Variants in CASK observed in about 807,000 individuals in gnomAD.
CASK encodes the protein peripheral plasma membrane protein CASK.
A neutral mutation model predicts 82.9 loss-of-function variants in CASK; 4 were observed. The ratio of observed to expected loss-of-function variants is 0.05; its 90% CI spans 0.02 to 0.11. The LOEUF (loss-of-function observed/expected upper bound fraction) is 0.11, where lower values mean the gene tolerates loss of function less well. Ranked by LOEUF, CASK falls within the 10% of genes least tolerant of loss-of-function variation. The pLI, the probability that CASK is intolerant of heterozygous loss-of-function variation, is 1.00. For missense variants in CASK, 358 were observed against 720.9 expected (o/e 0.50, Z 5.76); for synonymous variants, 259 against 253.5 (o/e 1.02, Z -0.20).
At chrX:41,815,930 G>A (rs1412186930) in intron 2 of CASK, among the ~76,000 whole-genome samples, 1 of 110,705 alleles carries the variant, frequency 9.0e-6, no homozygotes, top group Non-Finnish European at 1.9e-5. Flanking sequence ...GTGTAATCTC[G>A]GCTCACTGCA....
intron 12 of CASK, among the ~76,000 whole-genome samples, chrX:41,609,022 G>A (rs1016326011): frequency 8.9e-6 from 1 of 112,299 alleles, no homozygotes; most frequent in Non-Finnish European, 1.9e-5. Flanking sequence ...CATGCATTAT[G>A]TACATATAAT....
intron 3 of CASK, among the ~76,000 whole-genome samples, chrX:41,768,451 C>T (rs1366657026): frequency 3.7e-5 from 4 of 109,568 alleles, no homozygotes; most frequent in Non-Finnish European, 7.6e-5. Context: ...TGTATGTGTG[C>T]GTGTGTGTAC....
intron 5 of CASK, among the ~76,000 whole-genome samples, chrX:41,687,965 CA>C (rs76783862): frequency 0.057 from 1,393 of 24,564 alleles, 9 homozygotes; most frequent in African/African-American, 0.081. Flanking sequence ...AACTCCGTCT[CA>C]AAAAAAAAAA....
At chrX:41,670,233 T>G (rs1252373631) in intron 6 of CASK, among the ~76,000 whole-genome samples, 1 of 112,212 alleles carries the variant, frequency 8.9e-6, no homozygotes, top group African/African-American at 3.2e-5. Flanking sequence ...TGAGATTCTA[T>G]GATTAAACTG....
rs375934577 is a variant in CASK at position 41,774,483 on chromosome X, C to T, written c.278+12695G>A. Among the ~76,000 whole-genome samples, 11 of 111,245 alleles carry T rather than the reference C, an allele frequency of 9.9e-5. No individual in the cohort carries two copies. In the East Asian group the frequency reaches 1.7e-3, roughly 17 times the overall value. On this transcript the variant is annotated intron_variant, in intron 3 of 26. Coordinates refer to ENST00000378163, the MANE Select transcript of CASK (RefSeq NM_001367721.1). Reference sequence around the variant, plus strand: ...CCCAAGGTAATTTATAGATTCAATGCCATCCCCATCAAGCTACCAATGACT... The same window carrying T: ...CCCAAGGTAATTTATAGATTCAATGTCATCCCCATCAAGCTACCAATGACT...
At chrX:41,912,790 TTATATA>T (rs202164173) in intron 1 of CASK, among the ~76,000 whole-genome samples, 1 of 97,952 alleles carries the variant, frequency 1.0e-5, no homozygotes, top group African/African-American at 3.6e-5. Context: ...TGCAAGTAAT[TTATATA>T]TATATATATA....
intron 2 of CASK, among the ~76,000 whole-genome samples, chrX:41,791,340 T>C (rs1369188492): frequency 9.2e-6 from 1 of 108,922 alleles, no homozygotes; most frequent in African/African-American, 3.3e-5. Flanking sequence ...GTGTCATTCT[T>C]ATGCCTTTGC....
intron 10 of CASK, among the ~76,000 whole-genome samples, chrX:41,625,880 G>A (rs1460355707): frequency 9.6e-6 from 1 of 104,294 alleles, no homozygotes; most frequent in Non-Finnish European, 2.0e-5. Context: ...CCCGGGTCAA[G>A]TGATTCTCCT....
At chrX:41,888,128 T>C (rs957147534) in intron 1 of CASK, among the ~76,000 whole-genome samples, 1 of 111,557 alleles carries the variant, frequency 9.0e-6, no homozygotes, top group African/African-American at 3.3e-5. Flanking sequence ...CTCCAGATGG[T>C]CTAAAAAACT....
chrX:41,647,205 G>A (rs950650390), intron 8 of CASK, among the ~76,000 whole-genome samples: 1 of 112,315 alleles, frequency 8.9e-6, no homozygotes, highest in African/African-American at 3.2e-5. Context: ...AGTGAGTCTC[G>A]AACATCGCAT....
intron 5 of CASK, among the ~76,000 whole-genome samples, chrX:41,737,387 T>C (rs1364293768): frequency 8.9e-6 from 1 of 112,093 alleles, no homozygotes; most frequent in Non-Finnish European, 1.9e-5. Flanking sequence ...AAGCAGCAGT[T>C]ATTGATTGAA....
chrX:41,734,069 G>T (rs920233696), intron 5 of CASK, among the ~76,000 whole-genome samples: 1 of 111,875 alleles, frequency 8.9e-6, no homozygotes, highest in East Asian at 2.8e-4. Flanking sequence ...TTTAAAGGAA[G>T]CACACTCAGA....
intron 1 of CASK, among the ~76,000 whole-genome samples, chrX:41,888,783 G>GTA (rs1357926798): frequency 3.0e-5 from 3 of 100,900 alleles, no homozygotes; most frequent in Non-Finnish European, 6.0e-5. Context: ...ATATATACAT[G>GTA]TATGTGTATA....
chrX:41,769,401 C>T (rs1278230031), intron 3 of CASK, among the ~76,000 whole-genome samples: 1 of 109,080 alleles, frequency 9.2e-6, no homozygotes, highest in Non-Finnish European at 1.9e-5. Flanking sequence ...CACTATATTT[C>T]CCAGGCTGGT....
At chrX:41,730,003 C>T (rs2068362700) in intron 5 of CASK, 1 of 117,794 alleles carries the variant, frequency 8.5e-6, no homozygotes, top group Admixed American at 1.0e-4. Context: ...CGTGTACTAT[C>T]TGCCCAAAGA....
chrX:41,785,485 T>C (rs2069577123), intron 3 of CASK, among the ~76,000 whole-genome samples: 2 of 112,000 alleles, frequency 1.8e-5, no homozygotes, highest in Admixed American at 9.5e-5. Context: ...TACTATATAC[T>C]CCTAATTAAT....
chrX:41,784,781 C>A (rs2069549147), intron 3 of CASK, among the ~76,000 whole-genome samples: 2 of 109,629 alleles, frequency 1.8e-5, no homozygotes, highest in Non-Finnish European at 3.8e-5. Flanking sequence ...GAGGCTGAGG[C>A]AGGAGAATTG....
At chrX:41,921,593 CCTTTT>C (rs1325892363) in intron 1 of CASK, among the ~76,000 whole-genome samples, 3 of 111,237 alleles carry the variant, frequency 2.7e-5, no homozygotes, top group African/African-American at 9.8e-5. Context: ...TGGATACTTT[CCTTTT>C]AAGTCTGGCT....
At position 41,522,528 on chromosome X, in the gene CASK, C is replaced by T. The variant is rs186979300; in HGVS notation, c.2604+1423G>A. Reference sequence around the variant, plus strand: ...TTCATAATCAACACAATGCAAAAAACGCCATTTTAGCAAATGTGCATTCAC... The same window carrying T: ...TTCATAATCAACACAATGCAAAAAATGCCATTTTAGCAAATGTGCATTCAC... On this transcript the variant is annotated intron_variant, in intron 26 of 26. Transcript: ENST00000378163. Among the ~76,000 whole-genome samples the T allele has an allele frequency of 1.8e-4, 20 of 111,910 alleles. No homozygotes were observed. The East Asian group carries it at 4.2e-3, about 23-fold the overall frequency.
Sources: allele counts gnomAD v4.1 joint callset (sites outside exome capture counted in the v4.1 genomes callset), GRCh38; gene constraint gnomAD v4.1.1; transcripts MANE v1.5; gene names NCBI Gene and HGNC (gene_info 2026-07-23, HGNC 2026-07-21).